CYFIP2: variants seen among roughly 807,000 people sequenced by gnomAD.
CYFIP2 encodes the protein cytoplasmic FMR1 interacting protein 2, also known as cytoplasmic FMR1-interacting protein 2.
CYFIP2 carries 29 observed loss-of-function variants against 158.7 expected under a neutral mutation model. That is an observed-to-expected ratio of 0.18 (90% CI 0.14 to 0.25). The LOEUF is 0.25. Ranked by LOEUF, CYFIP2 falls within the 10% of genes least tolerant of loss-of-function variation. CYFIP2 has a pLI of 1.00. For synonymous variants in CYFIP2, 585 were observed against 617.6 expected (o/e 0.95, Z 0.78); for missense variants, 852 against 1,639.5 (o/e 0.52, Z 8.29).
chr5:157,385,356 G>A (rs1045047369), intron 28 of CYFIP2, among the ~76,000 whole-genome samples: 1 of 152,206 alleles, frequency 6.6e-6, no homozygotes, highest in African/African-American at 2.4e-5. Flanking sequence ...TCAAGAAATA[G>A]TCCAAAACTT....
chr5:157,305,197 T>C (rs1216863205), intron 8 of CYFIP2, among the ~76,000 whole-genome samples: 1 of 152,236 alleles, frequency 6.6e-6, no homozygotes, highest in African/African-American at 2.4e-5. Flanking sequence ...CAATTGTGAA[T>C]TGTGCTGCTA....
intron 20 of CYFIP2, among the ~76,000 whole-genome samples, chr5:157,332,439 T>C (rs767899268): frequency 2.6e-5 from 4 of 152,214 alleles, no homozygotes; most frequent in African/African-American, 9.7e-5. Flanking sequence ...TGCCAAATCA[T>C]GACATTTCAC....
Position 157,383,126 on chromosome 5 carries a change from G to A in CYFIP2, c.3113-139G>A, listed in dbSNP as rs1581195643. The A allele has an allele frequency of 4.3e-6, 3 of 694,416 alleles. No individual in the cohort carries two copies. The East Asian group carries it at 8.2e-5, about 19-fold the overall frequency. 43.0% of individuals were successfully genotyped at this position (694,416 alleles called of 1,614,324 possible). A position where few individuals can be genotyped will look rare whatever the true frequency, so the allele number is the denominator to read the frequency against. ...TTGTAAAAACTACTCACACTTTCCA[G>A]AACGAAGGAGAGCAGTTCCACACAC... On this transcript the variant is annotated intron_variant, in intron 27 of 30. Coordinates refer to ENST00000620254, the MANE Select transcript of CYFIP2 (RefSeq NM_001037333.3).
At position 157,382,682 on chromosome 5, in the gene CYFIP2, G is replaced by A. The variant is rs560844355; in HGVS notation, c.3112+20G>A. ...TCAAAGGTAAGAAACCACTACAGCA[G>A]CTGAATAGCCAACTGGCGTTTGAAC... On this transcript the variant is annotated intron_variant, in intron 27 of 30. Coordinates refer to ENST00000620254, the MANE Select transcript of CYFIP2 (RefSeq NM_001037333.3). The A allele has an allele frequency of 5.0e-6, 8 of 1,612,108 alleles. No individual in the cohort carries two copies. The highest frequency in any genetic ancestry group is 4.0e-5 in the African/African-American group (3 of 75,024).
intron 24 of CYFIP2, among the ~76,000 whole-genome samples, chr5:157,359,609 C>T (rs963670214): frequency 1.3e-5 from 2 of 152,230 alleles, no homozygotes; most frequent in Non-Finnish European, 2.9e-5. Flanking sequence ...GCTCCCCATA[C>T]TGCACTGGCT....
chr5:157,333,909 G>A lies in CYFIP2; in HGVS notation c.2385+463G>A, dbSNP rs117310406. Reference sequence around the variant, plus strand: ...TTAAACATTGCACCCTGCAGATTATGTAACTGGTTCTGATGCACAAGCCTG... The same window carrying A: ...TTAAACATTGCACCCTGCAGATTATATAACTGGTTCTGATGCACAAGCCTG... On this transcript the variant is annotated intron_variant, in intron 21 of 30. Coordinates refer to ENST00000620254, the MANE Select transcript of CYFIP2 (RefSeq NM_001037333.3). Among the ~76,000 whole-genome samples, 33 of 151,688 alleles carry A rather than the reference G, an allele frequency of 2.2e-4. No individual in the cohort carries two copies. The East Asian group carries it at 6.1e-3, about 28-fold the overall frequency.
intron 1 of CYFIP2, among the ~76,000 whole-genome samples, chr5:157,274,337 A>G (rs962406384): frequency 7.9e-5 from 12 of 152,184 alleles, no homozygotes; most frequent in African/African-American, 2.9e-4. Flanking sequence ...GAACAATACA[A>G]TACGGGGTCT....
rs980392146 is a variant in CYFIP2 at position 157,330,845 on chromosome 5, G to A, written c.2260G>A (p.Val754Ile). 5.6e-6 allele frequency: 9 copies of A among 1,613,402 alleles called. No individual in the cohort carries two copies. The highest frequency in any genetic ancestry group is 2.7e-5 in the African/African-American group (2 of 74,918). Reference protein sequence around the residue: ...RYETLLKQRHVQLLGRSIDLN... With the variant: ...RYETLLKQRHIQLLGRSIDLN... ...TGAAACACTGCTGAAGCAGAGACAC[G>A]TCCAGGTATGGGGAGCAGAAGCCAC... is the stretch of plus-strand genomic sequence containing the variant. Residue 754 changes from valine to isoleucine, a missense_variant, in exon 20 of 31, where the codon GTC (valine) becomes ATC (isoleucine). Physicochemically the swap from Val to Ile is conservative, Grantham distance 29. This residue lies in a region of CYFIP2 where 191 missense variants were observed against 311.2 expected (regional missense o/e 0.61). Coordinates refer to ENST00000620254, the MANE Select transcript of CYFIP2 (RefSeq NM_001037333.3).
intron 26 of CYFIP2, 108 bp from the exon 27 acceptor site, chr5:157,382,482 A>ATTTGAACC: frequency 1.7e-6 from 2 of 1,167,408 alleles, no homozygotes; most frequent in East Asian, 5.0e-5. Context: ...AAGAGCCAGG[A>ATTTGAACC]TTTGAACCCA....
At chr5:157,286,979 T>C in intron 2 of CYFIP2, 40 bp from the exon 3 acceptor site, 3 of 1,576,562 alleles carry the variant, frequency 1.9e-6, no homozygotes, top group Non-Finnish European at 2.6e-6. Context: ...TTGGAACTGT[T>C]TTCTAACAAC....
At chr5:157,372,150 C>A (rs1765051588) in intron 26 of CYFIP2, among the ~76,000 whole-genome samples, 1 of 152,120 alleles carries the variant, frequency 6.6e-6, no homozygotes, top group Non-Finnish European at 1.5e-5. Flanking sequence ...CACAAAAAAG[C>A]TATAAAAGAA....
intron 28 of CYFIP2, chr5:157,384,939 C>CAAAAAAAAAAAAAAAAAAA: frequency 1.6e-5 from 1 of 63,866 alleles, no homozygotes; most frequent in Non-Finnish European, 2.9e-5. Context: ...GACTCCATCT[C>CAAAAAAAAAAAAAAAAAAA]AAAAAAAAAA....
chr5:157,286,720 A>G (rs1418419531), intron 2 of CYFIP2, among the ~76,000 whole-genome samples: 1 of 152,174 alleles, frequency 6.6e-6, no homozygotes, highest in African/African-American at 2.4e-5. Flanking sequence ...AAAGCAATGC[A>G]CATCTTAACT....
intron 23 of CYFIP2, among the ~76,000 whole-genome samples, chr5:157,354,672 A>G (rs964136675): frequency 2.0e-5 from 3 of 152,064 alleles, no homozygotes; most frequent in Non-Finnish European, 2.9e-5. Context: ...TGGACCATCA[A>G]CTGAAGCCTA....
chr5:157,374,926 G>T (rs1765322644), intron 26 of CYFIP2, among the ~76,000 whole-genome samples: 1 of 152,200 alleles, frequency 6.6e-6, no homozygotes, highest in Non-Finnish European at 1.5e-5. Flanking sequence ...CTCCATCCCA[G>T]CACCATTATG....
intron 20 of CYFIP2, among the ~76,000 whole-genome samples, chr5:157,332,963 C>G (rs1761587663): frequency 6.6e-6 from 1 of 152,060 alleles, no homozygotes; most frequent in Non-Finnish European, 1.5e-5. Context: ...AAAAATTAGG[C>G]TTGCAGACTG....
intron 20 of CYFIP2, among the ~76,000 whole-genome samples, chr5:157,331,453 A>G (rs562575561): frequency 9.7e-4 from 146 of 150,554 alleles, no homozygotes; most frequent in African/African-American, 3.2e-3. Flanking sequence ...CGGGTGGCAA[A>G]ATGGCCTTTA....
chr5:157,304,565 A>G (rs1759057921), intron 8 of CYFIP2, 199 bp downstream of exon 8: 2 of 519,536 alleles, frequency 3.8e-6, no homozygotes, highest in Admixed American at 3.6e-5. Flanking sequence ...CATTAAGGCT[A>G]TTTCTACAAT....
At chr5:157,295,978 C>T (rs1293758631) in intron 4 of CYFIP2, among the ~76,000 whole-genome samples, 1 of 152,202 alleles carries the variant, frequency 6.6e-6, no homozygotes, top group Non-Finnish European at 1.5e-5. Flanking sequence ...GTATCCAGAA[C>T]AATGGAAAGA....
Sources: allele counts gnomAD v4.1 joint callset (sites outside exome capture counted in the v4.1 genomes callset), GRCh38; gene constraint gnomAD v4.1.1; regional missense constraint gnomAD v4.1.1; transcripts MANE v1.5; gene names NCBI Gene and HGNC (gene_info 2026-07-23, HGNC 2026-07-21).